Variants in DNAH17 observed in about 807,000 individuals in gnomAD.
The protein encoded by DNAH17 is dynein axonemal heavy chain 17.
In DNAH17, 376 loss-of-function variants were observed where a neutral mutation model predicts 485.6. The ratio of observed to expected loss-of-function variants is 0.77; its 90% CI spans 0.71 to 0.84. The LOEUF (loss-of-function observed/expected upper bound fraction) is 0.84. Among genes scored for constraint, DNAH17 ranks in the 40% least tolerant of loss-of-function variants. The probability of loss-of-function intolerance (pLI) is 0.00; values close to 1 mark genes in which losing one functional copy is unlikely to be tolerated. For synonymous variants in DNAH17, 3,031 were observed against 2,405.9 expected (o/e 1.26, Z -7.60); for missense variants, 6,370 against 5,839.3 (o/e 1.09, Z -2.96).
At position 78,495,008 on chromosome 17, in the gene DNAH17, C is replaced by T. The variant is rs1277928781; in HGVS notation, c.5993G>A (p.Arg1998Lys). ...EGFLEARLLARKFITLYTLCK... is the reference protein window; with the variant it reads ...EGFLEARLLAKKFITLYTLCK... ...CAAGGTGTACAGGGTGATGAACTTC[C>T]TGGCCAGAAGGCGGGCTTCCAGAAA... Residue 1998 changes from arginine to lysine, a missense_variant, in exon 39 of 81, where the codon AGG (arginine) becomes AAG (lysine). By Grantham distance (26) the Arg-to-Lys change is conservative. Transcript: ENST00000389840. 1.2e-6 allele frequency: 2 copies of T among 1,613,056 alleles called. No individual in the cohort carries two copies. The highest frequency in any genetic ancestry group is 1.3e-5 in the African/African-American group (1 of 74,912).
chr17:78,432,909 C>CCA lies in DNAH17; in HGVS notation c.12225+1119_12225+1120insTG, dbSNP rs1555650500. Among the ~76,000 whole-genome samples, 10 of 120,662 alleles carry CCA rather than the reference C, an allele frequency of 8.3e-5. 2 individuals are homozygous for CCA. The highest frequency in any genetic ancestry group is 2.4e-4 in the African/African-American group (7 of 29,246). The allele number at this position is 120,662 out of a possible 152,430, so 79.2% of individuals were successfully genotyped here. A position where few individuals can be genotyped will look rare whatever the true frequency, so the allele number is the denominator to read the frequency against. ...AGAGCAGGCTTCAAACGTGCCCCCCCCCCCCGACCCCGGTGCCAGCACCGT... is the reference window on the plus strand; with the variant it reads ...AGAGCAGGCTTCAAACGTGCCCCCCCCACCCCCGACCCCGGTGCCAGCACCGT... On this transcript the variant is annotated intron_variant, in intron 75 of 80. Coordinates refer to ENST00000389840, the MANE Select transcript of DNAH17 (RefSeq NM_173628.4).
chr17:78,499,176 G>T, intron 36 of DNAH17, 64 bp from the exon 37 acceptor site: 1 of 1,202,552 alleles, frequency 8.3e-7, no homozygotes, highest in Non-Finnish European at 1.1e-6. Context: ...GGCGCTGCAG[G>T]GGCCTCCCCC....
intron 25 of DNAH17, among the ~76,000 whole-genome samples, chr17:78,521,636 A>G (rs1000935450): frequency 9.9e-5 from 15 of 152,198 alleles, no homozygotes; most frequent in African/African-American, 3.6e-4. Context: ...TAATCTATGA[A>G]AGGAAAAATT....
At chr17:78,471,771 C>T (rs1296673812) in intron 54 of DNAH17, among the ~76,000 whole-genome samples, 1 of 152,150 alleles carries the variant, frequency 6.6e-6, no homozygotes, top group African/African-American at 2.4e-5. Flanking sequence ...GCTGTCCCCA[C>T]CTCACCTTCC....
intron 54 of DNAH17, among the ~76,000 whole-genome samples, chr17:78,474,861 C>T (rs1269683770): frequency 2.0e-5 from 3 of 150,530 alleles, no homozygotes; most frequent in Non-Finnish European, 3.0e-5. Context: ...TCATGCGGGC[C>T]GGAAGATTTC....
At position 78,463,152 on chromosome 17, in the gene DNAH17, C is replaced by G. The variant is rs1029472847; in HGVS notation, c.8941-75G>C. On this transcript the variant is annotated intron_variant, in intron 56 of 80. Transcript: ENST00000389840. ...AGCAAAGTGGGGCTCCCCAGACTCA[C>G]CAGGGGCCCTGGACAAGGTGCCCTG... The G allele has an allele frequency of 7.1e-6, 10 of 1,400,982 alleles. No individual in the cohort carries two copies. The African/African-American group carries it at 1.1e-4, about 16-fold the overall frequency. 86.8% of individuals were successfully genotyped at this position (1,400,982 alleles called of 1,614,324 possible).
At chr17:78,546,772 G>A (rs1403083042) in intron 16 of DNAH17, among the ~76,000 whole-genome samples, 1 of 152,148 alleles carries the variant, frequency 6.6e-6, no homozygotes, top group African/African-American at 2.4e-5. Flanking sequence ...CAGGCATGGT[G>A]GCCCATGCCT....
intron 44 of DNAH17, among the ~76,000 whole-genome samples, chr17:78,488,963 C>A (rs1454231164): frequency 2.0e-5 from 3 of 152,132 alleles, no homozygotes; most frequent in African/African-American, 7.2e-5. Context: ...GCACTGCCTA[C>A]TCCTTGACTT....
At position 78,501,118 on chromosome 17, in the gene DNAH17, G is replaced by A; in HGVS notation, c.5483+66C>T. Reference sequence around the variant, plus strand: ...CCACAGCTGACCTCCAAGTCGGACAGTTCCAAGAATCATGCGGAAGGGACC... The same window carrying A: ...CCACAGCTGACCTCCAAGTCGGACAATTCCAAGAATCATGCGGAAGGGACC... On this transcript the variant is annotated intron_variant, in intron 35 of 80. Coordinates refer to ENST00000389840, the MANE Select transcript of DNAH17 (RefSeq NM_173628.4). 11 of 1,499,980 alleles carry A rather than the reference G, an allele frequency of 7.3e-6. No individual in the cohort carries two copies. In the South Asian group the frequency reaches 1.4e-4, roughly 19 times the overall value. The allele number at this position is 1,499,980 out of a possible 1,614,324, so 92.9% of individuals were successfully genotyped here.
intron 30 of DNAH17, 55 bp from the exon 31 acceptor site, chr17:78,505,500 C>A: frequency 6.2e-7 from 1 of 1,611,010 alleles, no homozygotes. Flanking sequence ...AAGGCATGTG[C>A]GTGGCTTGGG....
chr17:78,529,235 C>T (rs1426725813), intron 22 of DNAH17, among the ~76,000 whole-genome samples: 1 of 152,038 alleles, frequency 6.6e-6, no homozygotes, highest in East Asian at 1.9e-4. Context: ...ATTTTTAATC[C>T]AACAAAACAC....
At position 78,485,566 on chromosome 17, in the gene DNAH17, G is replaced by A. The variant is rs746879025; in HGVS notation, c.7467C>T (p.Thr2489=). The change falls in exon 47 of 81, where the codon ACC becomes ACT. Residue 2489 remains threonine, a synonymous_variant. Coordinates refer to ENST00000389840, the MANE Select transcript of DNAH17 (RefSeq NM_173628.4). The part of the protein sequence containing the change: ...VQAVPFNFYT[T]SAMLQGVLEK... ...CAGCCTCACCCTGCAGCATGGCTGA[G>A]GTCGTGTAGAAGTTGAAGGGCACAG... is the stretch of plus-strand genomic sequence containing the variant. 9 of 1,611,770 alleles carry A rather than the reference G, an allele frequency of 5.6e-6. No individual in the cohort carries two copies. The highest frequency in any genetic ancestry group is 1.7e-5 in the Admixed American group (1 of 59,688).
At chr17:78,431,355 T>C (rs1405229401) in intron 75 of DNAH17, among the ~76,000 whole-genome samples, 1 of 151,488 alleles carries the variant, frequency 6.6e-6, no homozygotes, top group Non-Finnish European at 1.5e-5. Context: ...TGTGCCCCTC[T>C]CCCCCTCCTG....
rs754109898 is a variant in DNAH17, at chr17:78,539,894, C to T, written c.2533-14G>A. 2.8e-5 allele frequency: 43 copies of T among 1,559,710 alleles called. No homozygotes were observed. Among genetic ancestry groups the T allele is most frequent in the African/African-American group, 5.5e-5 (4 of 72,636 alleles). On this transcript the variant is annotated splice_polypyrimidine_tract_variant and intron_variant, in intron 17 of 80. Transcript: ENST00000389840. ...TTCTGCGTTTTCCTGCAAACAGAAG[C>T]GCACAGTTGGGCCTCACTTCACTGG...
chr17:78,576,798 A>C (rs971538800), intron 1 of DNAH17, among the ~76,000 whole-genome samples: 1 of 152,200 alleles, frequency 6.6e-6, no homozygotes, highest in Admixed American at 6.5e-5. Flanking sequence ...CTCCCAAGCC[A>C]TAACATGTGT....
chr17:78,432,242 T>A (rs561283858), intron 75 of DNAH17, among the ~76,000 whole-genome samples: 1 of 152,022 alleles, frequency 6.6e-6, no homozygotes, highest in Non-Finnish European at 1.5e-5. Context: ...CTAGCCAGAC[T>A]GTTTCTCCCA....
rs1225312348 is a variant in DNAH17 at position 78,496,045 on chromosome 17, T to C, written c.5746-13A>G. On this transcript the variant is annotated splice_polypyrimidine_tract_variant and intron_variant, in intron 37 of 80. Coordinates refer to ENST00000389840, the MANE Select transcript of DNAH17 (RefSeq NM_173628.4). ...GGACACATTTTACCTGCACGGTTGG[T>C]GACACAGACATGTTAGCATGGAAAT... 1.2e-6 allele frequency: 2 copies of C among 1,609,660 alleles called. No homozygotes were observed. The highest frequency in any genetic ancestry group is 2.2e-5 in the South Asian group (2 of 90,684).
At chr17:78,428,812 GTC>G in intron 76 of DNAH17, 105 bp from the exon 77 acceptor site, 1 of 1,360,112 alleles carries the variant, frequency 7.4e-7, no homozygotes, top group South Asian at 1.3e-5. Flanking sequence ...ACACCTTGCT[GTC>G]TGTACAGATC....
chr17:78,511,201 G>A lies in DNAH17; in HGVS notation c.4114-695C>T, dbSNP rs183751537. ...TGGCTCACTGGAACCTCCACCTCCC[G>A]GGTTCAAGCGATTCTCCTGCCTCAG... On this transcript the variant is annotated intron_variant, in intron 26 of 80. Coordinates refer to ENST00000389840, the MANE Select transcript of DNAH17 (RefSeq NM_173628.4). Among the ~76,000 whole-genome samples the A allele has an allele frequency of 4.5e-4, 68 of 152,312 alleles. 1 individual carries two copies. The highest frequency in any genetic ancestry group is 8.3e-4 in the South Asian group (4 of 4,830).
Sources: gnomAD v4.1 joint callset for allele counts (sites outside exome capture counted in the v4.1 genomes callset) on GRCh38, gnomAD v4.1.1 for gene constraint, MANE v1.5 for transcripts, NCBI Gene and HGNC (gene_info 2026-07-23, HGNC 2026-07-21) for gene names.